HIVEP3: variants seen among roughly 807,000 people sequenced by gnomAD.
The protein encoded by HIVEP3 is HIVEP zinc finger 3.
HIVEP3 carries 49 observed loss-of-function variants against 152.8 expected under a neutral mutation model. That is an observed-to-expected ratio of 0.32 (90% confidence interval 0.26 to 0.41). The LOEUF (loss-of-function observed/expected upper bound fraction) is 0.41, where lower values mean the gene tolerates loss of function less well. Ranked by LOEUF, HIVEP3 falls within the 10% of genes least tolerant of loss-of-function variation. HIVEP3 has a pLI of 1.00. For synonymous variants in HIVEP3, 1,269 were observed against 1,289.0 expected (o/e 0.98, Z 0.33); for missense variants, 2,790 against 3,103.3 (o/e 0.90, Z 2.40).
intron 1 of HIVEP3, among the ~76,000 whole-genome samples, chr1:41,886,503 G>A (rs374400267): frequency 1.8e-4 from 27 of 151,912 alleles, no homozygotes; most frequent in East Asian, 1.2e-3. Context: ...CTCTGAGGTC[G>A]GGAGTTCAAG....
intron 3 of HIVEP3, among the ~76,000 whole-genome samples, chr1:41,594,038 T>G (rs531783639): frequency 2.4e-4 from 37 of 152,240 alleles, no homozygotes; most frequent in African/African-American, 8.9e-4. Context: ...TCCTAAGGAC[T>G]CTTGTGATTA....
At chr1:41,912,883 A>AT (rs1274747127) in intron 1 of HIVEP3, among the ~76,000 whole-genome samples, 2 of 152,284 alleles carry the variant, frequency 1.3e-5, no homozygotes, top group South Asian at 2.1e-4. Flanking sequence ...CACATGTGCA[A>AT]TTTTTTAGCA....
intron 1 of HIVEP3, among the ~76,000 whole-genome samples, chr1:41,996,465 T>C (rs1030949274): frequency 1.3e-5 from 2 of 151,244 alleles, no homozygotes; most frequent in South Asian, 2.1e-4. Context: ...TAGAGTCCCA[T>C]AGAGATAACT....
intron 1 of HIVEP3, among the ~76,000 whole-genome samples, chr1:41,836,179 G>A (rs946295335): frequency 6.6e-6 from 1 of 152,214 alleles, no homozygotes; most frequent in African/African-American, 2.4e-5. Context: ...CAGGAGAGAC[G>A]TCAAGGACTC....
intron 1 of HIVEP3, among the ~76,000 whole-genome samples, chr1:41,930,055 C>A (rs1057075318): frequency 2.6e-5 from 4 of 152,072 alleles, no homozygotes; most frequent in African/African-American, 9.7e-5. Context: ...TCTTCCTCAT[C>A]ATCTTCAATG....
chr1:41,966,346 A>C (rs1322058238), intron 1 of HIVEP3, among the ~76,000 whole-genome samples: 1 of 152,212 alleles, frequency 6.6e-6, no homozygotes, highest in African/African-American at 2.4e-5. Context: ...ACCAGATAGC[A>C]TCATGATGAC....
chr1:41,755,244 C>G (rs890050247), intron 1 of HIVEP3, among the ~76,000 whole-genome samples: 1 of 152,096 alleles, frequency 6.6e-6, no homozygotes, highest in Non-Finnish European at 1.5e-5. Flanking sequence ...GAAATATTAG[C>G]TATCCATAAG....
chr1:41,621,985 T>A (rs193188242), intron 3 of HIVEP3, among the ~76,000 whole-genome samples: 1 of 152,322 alleles, frequency 6.6e-6, no homozygotes. Context: ...ACACAGACCA[T>A]CATCATTTCC....
intron 1 of HIVEP3, among the ~76,000 whole-genome samples, chr1:41,867,437 C>T (rs1278155050): frequency 6.6e-6 from 1 of 152,172 alleles, no homozygotes; most frequent in Non-Finnish European, 1.5e-5. Context: ...CTGCAGTTTG[C>T]AGACCCCCTC....
chr1:41,575,508 CG>C, intron 5 of HIVEP3, 35 bp downstream of exon 5: 2 of 1,606,176 alleles, frequency 1.2e-6, no homozygotes, highest in South Asian at 2.2e-5. Flanking sequence ...TCTTATTCCA[CG>C]GAAGCAGACG....
intron 1 of HIVEP3, among the ~76,000 whole-genome samples, chr1:41,985,435 G>A (rs1458327270): frequency 1.3e-5 from 2 of 152,204 alleles, no homozygotes; most frequent in African/African-American, 4.8e-5. Flanking sequence ...AGCATCTGGT[G>A]AGGGCATACC....
intron 1 of HIVEP3, among the ~76,000 whole-genome samples, chr1:41,803,541 C>T (rs1207367885): frequency 1.3e-5 from 2 of 152,184 alleles, no homozygotes; most frequent in African/African-American, 2.4e-5. Context: ...TTTCCTGTGG[C>T]CCCTCACCTG....
At chr1:41,981,020 C>T (rs1645290689) in intron 1 of HIVEP3, among the ~76,000 whole-genome samples, 1 of 152,164 alleles carries the variant, frequency 6.6e-6, no homozygotes, top group Non-Finnish European at 1.5e-5. Context: ...AAGTGGGTAT[C>T]GTTGCACAGC....
At chr1:41,684,195 C>A (rs189262322) in intron 2 of HIVEP3, among the ~76,000 whole-genome samples, 3 of 152,166 alleles carry the variant, frequency 2.0e-5, no homozygotes, top group Non-Finnish European at 4.4e-5. Flanking sequence ...TGCCTCACCA[C>A]TCTGACTTCC....
At chr1:41,741,447 C>G (rs79779653) in intron 1 of HIVEP3, among the ~76,000 whole-genome samples, 1 of 152,102 alleles carries the variant, frequency 6.6e-6, no homozygotes, top group African/African-American at 2.4e-5. Flanking sequence ...CACTCTCCCA[C>G]CCACCCTATC....
At chr1:41,959,334 C>T (rs1032874887) in intron 1 of HIVEP3, among the ~76,000 whole-genome samples, 1 of 152,162 alleles carries the variant, frequency 6.6e-6, no homozygotes, top group African/African-American at 2.4e-5. Flanking sequence ...ATTTATTTTT[C>T]TTGCCTGCAG....
intron 1 of HIVEP3, among the ~76,000 whole-genome samples, chr1:41,854,129 C>T (rs1008463052): frequency 2.0e-5 from 3 of 152,118 alleles, no homozygotes; most frequent in Non-Finnish European, 2.9e-5. Flanking sequence ...CTCTCTCTCC[C>T]TCTCTCTGTC....
intron 1 of HIVEP3, among the ~76,000 whole-genome samples, chr1:41,737,316 C>CGAT (rs1328109573): frequency 2.0e-5 from 3 of 152,166 alleles, no homozygotes; most frequent in Non-Finnish European, 4.4e-5. Flanking sequence ...GGCACTTGAC[C>CGAT]GATACTCTTG....
chr1:42,015,820 A>G (rs957033507), intron 1 of HIVEP3, among the ~76,000 whole-genome samples: 11 of 152,386 alleles, frequency 7.2e-5, no homozygotes, highest in Non-Finnish European at 1.6e-4. Flanking sequence ...AGGGATAAAA[A>G]TCTCAGTGAA....
Sources: gnomAD v4.1 joint callset for allele counts (sites outside exome capture counted in the v4.1 genomes callset) on GRCh38, gnomAD v4.1.1 for gene constraint, MANE v1.5 for transcripts, NCBI Gene and HGNC (gene_info 2026-07-23, HGNC 2026-07-21) for gene names.